The following DCC variants were observed in gnomAD, a reference collection of about 807,000 sequenced individuals.
The protein encoded by DCC is DCC netrin 1 receptor.
DCC carries 58 observed loss-of-function variants against 172.5 expected under a neutral mutation model. The ratio of observed to expected loss-of-function variants is 0.34; its 90% CI spans 0.27 to 0.42. The LOEUF (loss-of-function observed/expected upper bound fraction) is 0.42. Among genes scored for constraint, DCC ranks in the 10% least tolerant of loss-of-function variants. The pLI is 1.00. For synonymous variants in DCC, 709 were observed against 644.5 expected (o/e 1.10, Z -1.52); for missense variants, 1,740 against 1,791.0 (o/e 0.97, Z 0.51).
intron 2 of DCC, among the ~76,000 whole-genome samples, chr18:52,793,981 CTA>C (rs1223864132): frequency 6.6e-6 from 1 of 151,448 alleles, no homozygotes; most frequent in African/African-American, 2.4e-5. Flanking sequence ...TTCTATTAAT[CTA>C]TATTTCTGGG....
At chr18:53,259,081 C>A (rs2056560392) in intron 12 of DCC, among the ~76,000 whole-genome samples, 1 of 152,058 alleles carries the variant, frequency 6.6e-6, no homozygotes, top group Non-Finnish European at 1.5e-5. Flanking sequence ...TCCTCCATCC[C>A]TTTATTTTGA....
At chr18:52,487,922 T>A (rs2030311758) in intron 1 of DCC, among the ~76,000 whole-genome samples, 2 of 151,368 alleles carry the variant, frequency 1.3e-5, no homozygotes. Flanking sequence ...ATAATCGGGA[T>A]GAGTCTCCTT....
chr18:53,036,606 A>T (rs967918543), intron 5 of DCC, among the ~76,000 whole-genome samples: 1 of 152,118 alleles, frequency 6.6e-6, no homozygotes, highest in East Asian at 1.9e-4. Flanking sequence ...TGATTTCAAC[A>T]TATATCATAG....
At chr18:52,614,409 T>C (rs1318126410) in intron 1 of DCC, among the ~76,000 whole-genome samples, 2 of 152,194 alleles carry the variant, frequency 1.3e-5, no homozygotes, top group African/African-American at 4.8e-5. Context: ...TTTCTGACAG[T>C]AAAGAAATAC....
At chr18:52,779,197 C>T (rs2037487690) in intron 2 of DCC, among the ~76,000 whole-genome samples, 1 of 152,108 alleles carries the variant, frequency 6.6e-6, no homozygotes, top group Non-Finnish European at 1.5e-5. Flanking sequence ...GATACATGTG[C>T]AGAACATGCA....
chr18:53,234,377 A>T (rs550934206), intron 12 of DCC, among the ~76,000 whole-genome samples: 4 of 152,210 alleles, frequency 2.6e-5, no homozygotes, highest in Admixed American at 2.6e-4. Context: ...TGCAGTGCGT[A>T]AGATCACACC....
intron 1 of DCC, among the ~76,000 whole-genome samples, chr18:52,578,947 C>G (rs907025704): frequency 6.6e-6 from 1 of 152,146 alleles, no homozygotes; most frequent in Non-Finnish European, 1.5e-5. Flanking sequence ...CGCCACTGCA[C>G]TCCAGCCCAG....
At chr18:52,385,310 C>G (rs949617425) in intron 1 of DCC, among the ~76,000 whole-genome samples, 1 of 151,422 alleles carries the variant, frequency 6.6e-6, no homozygotes, top group African/African-American at 2.4e-5. Flanking sequence ...GAGTCTTGTT[C>G]TAGTACCCAG....
At chr18:52,675,726 T>C (rs964685766) in intron 1 of DCC, among the ~76,000 whole-genome samples, 2 of 152,234 alleles carry the variant, frequency 1.3e-5, no homozygotes, top group African/African-American at 4.8e-5. Context: ...TTGGATTATA[T>C]ACTCACAACT....
At chr18:52,888,772 G>C (rs908753729) in intron 2 of DCC, among the ~76,000 whole-genome samples, 5 of 151,844 alleles carry the variant, frequency 3.3e-5, no homozygotes, top group African/African-American at 1.2e-4. Flanking sequence ...ATATATTTTA[G>C]CAAGAAAACA....
At chr18:52,891,936 A>T (rs1255020308) in intron 2 of DCC, among the ~76,000 whole-genome samples, 2 of 152,136 alleles carry the variant, frequency 1.3e-5, no homozygotes, top group Non-Finnish European at 2.9e-5. Flanking sequence ...ATGATCTTCC[A>T]GATATGTAAA....
intron 1 of DCC, among the ~76,000 whole-genome samples, chr18:52,527,146 T>C (rs756684169): frequency 6.6e-6 from 1 of 152,208 alleles, no homozygotes; most frequent in Non-Finnish European, 1.5e-5. Context: ...AATGATTCTG[T>C]TCCCTCGGTG....
At chr18:52,986,859 A>AC (rs1303037625) in intron 5 of DCC, among the ~76,000 whole-genome samples, 7 of 133,288 alleles carry the variant, frequency 5.3e-5, no homozygotes, top group African/African-American at 2.0e-4. Flanking sequence ...CACACACACA[A>AC]ACAGACATAT....
At chr18:52,342,284 T>TGTGTGTGTGC (rs1555671841) in intron 1 of DCC, among the ~76,000 whole-genome samples, 11 of 71,226 alleles carry the variant, frequency 1.5e-4, no homozygotes, top group South Asian at 5.3e-4. Context: ...TGTGTGCGTG[T>TGTGTGTGTGC]GTGTGTGTGT....
At position 53,428,338 on chromosome 18, in the gene DCC, TATATA is replaced by T. The variant is rs1308078856; in HGVS notation, c.3164-6795_3164-6791del. The stretch of plus-strand genomic sequence containing the variant: ...ATATATAATATAATATAATATATTG[TATATA>T]ATATAATATATGTTGTATATAATAT... On this transcript the variant is annotated intron_variant, in intron 21 of 28. Coordinates refer to ENST00000442544, the MANE Select transcript of DCC (RefSeq NM_005215.4). Among the ~76,000 whole-genome samples the T allele has an allele frequency of 1.2e-4, 7 of 60,692 alleles. 2 individuals carry two copies. The East Asian group carries it at 2.5e-3, about 21-fold the overall frequency. The allele number at this position is 60,692 out of a possible 152,430, so 39.8% of individuals were successfully genotyped here. A position where few individuals can be genotyped will look rare whatever the true frequency, so the allele number is the denominator to read the frequency against.
intron 7 of DCC, among the ~76,000 whole-genome samples, chr18:53,120,346 T>C (rs905176112): frequency 1.3e-5 from 2 of 151,768 alleles, no homozygotes; most frequent in Admixed American, 1.3e-4. Context: ...AGAATGTTAT[T>C]TTTATTTGGC....
intron 2 of DCC, among the ~76,000 whole-genome samples, chr18:52,806,950 T>G (rs1270535135): frequency 6.6e-6 from 1 of 152,100 alleles, no homozygotes; most frequent in African/African-American, 2.4e-5. Context: ...ATCCCAGCAC[T>G]TGGGGAGGCT....
intron 12 of DCC, among the ~76,000 whole-genome samples, chr18:53,266,788 G>T (rs2056680409): frequency 6.6e-6 from 1 of 151,408 alleles, no homozygotes; most frequent in Admixed American, 6.6e-5. Context: ...GATGTGGTCT[G>T]TTGTGATTGG....
intron 26 of DCC, among the ~76,000 whole-genome samples, chr18:53,489,726 T>A (rs2045940078): frequency 6.6e-6 from 1 of 152,160 alleles, no homozygotes; most frequent in Non-Finnish European, 1.5e-5. Context: ...GCTGAATTTC[T>A]CTCCAACCAT....
Sources: allele counts gnomAD v4.1 joint callset (sites outside exome capture counted in the v4.1 genomes callset), GRCh38; gene constraint gnomAD v4.1.1; transcripts MANE v1.5; gene names NCBI Gene and HGNC (gene_info 2026-07-23, HGNC 2026-07-21).